CNTN4: variants seen among roughly 807,000 people sequenced by gnomAD.
CNTN4 encodes the protein contactin 4.
A neutral mutation model predicts 122.5 loss-of-function variants in CNTN4; 77 were observed. The ratio of observed to expected loss-of-function variants is 0.63; its 90% CI spans 0.52 to 0.76. The LOEUF is 0.76. Ranked by LOEUF, CNTN4 falls within the 30% of genes least tolerant of loss-of-function variation. The pLI is 0.00. For synonymous variants in CNTN4, 512 were observed against 447.0 expected (o/e 1.15, Z -1.83); for missense variants, 1,256 against 1,259.1 (o/e 1.00, Z 0.04).
intron 14 of CNTN4, among the ~76,000 whole-genome samples, chr3:2,995,117 C>T (rs1172828316): frequency 6.6e-6 from 1 of 152,118 alleles, no homozygotes; most frequent in African/African-American, 2.4e-5. Flanking sequence ...AGAAGAACAT[C>T]TGGCCAGAAC....
intron 8 of CNTN4, among the ~76,000 whole-genome samples, chr3:2,867,191 G>A (rs2093733881): frequency 6.6e-6 from 1 of 152,130 alleles, no homozygotes; most frequent in Non-Finnish European, 1.5e-5. Context: ...TGAGGATTTA[G>A]GTGAATATAA....
intron 3 of CNTN4, among the ~76,000 whole-genome samples, chr3:2,560,957 A>G (rs1333334797): frequency 6.6e-6 from 1 of 152,170 alleles, no homozygotes; most frequent in Admixed American, 6.5e-5. Flanking sequence ...TCTGCTTCTG[A>G]TTAAGCAGAC....
At chr3:2,543,326 A>G (rs998576847) in intron 3 of CNTN4, among the ~76,000 whole-genome samples, 1 of 152,236 alleles carries the variant, frequency 6.6e-6, no homozygotes, top group East Asian at 1.9e-4. Flanking sequence ...CAATCCTTAA[A>G]AACAAAACCC....
chr3:2,321,137 G>C (rs1024100078), intron 2 of CNTN4, among the ~76,000 whole-genome samples: 1 of 151,918 alleles, frequency 6.6e-6, no homozygotes, highest in Non-Finnish European at 1.5e-5. Flanking sequence ...AGCTCTGAAG[G>C]GACCCATTTT....
intron 14 of CNTN4, among the ~76,000 whole-genome samples, chr3:3,016,646 A>G (rs987482252): frequency 1.3e-5 from 2 of 152,154 alleles, no homozygotes; most frequent in African/African-American, 4.8e-5. Flanking sequence ...CATCATTAGA[A>G]CCGTCTTCAT....
At chr3:2,458,436 G>C (rs1309306347) in intron 3 of CNTN4, among the ~76,000 whole-genome samples, 1 of 152,166 alleles carries the variant, frequency 6.6e-6, no homozygotes, top group African/African-American at 2.4e-5. Context: ...ATCTTTGTTA[G>C]AATGGAAATC....
chr3:2,353,791 C>T (rs909674220), intron 3 of CNTN4, among the ~76,000 whole-genome samples: 5 of 152,062 alleles, frequency 3.3e-5, no homozygotes, highest in Admixed American at 6.5e-5. Flanking sequence ...CCCAGCTACT[C>T]GGGAGGCTGA....
rs191694512 is a variant in CNTN4 at position 2,122,379 on chromosome 3, C to G, written c.-145+21740C>G. 3.8e-3 allele frequency among the ~76,000 whole-genome samples: 573 copies of G among 152,104 alleles called. 3 individuals carry two copies. Among genetic ancestry groups the G allele is most frequent in the Non-Finnish European group, 3.9e-3 (266 of 68,010 alleles). The stretch of plus-strand genomic sequence containing the variant: ...TCAGTTAAAAAAATCTGAATGCTTA[C>G]TATAAAAAATGATGGCATGGAATAT... On this transcript the variant is annotated intron_variant, in intron 2 of 24. Transcript: ENST00000418658.
chr3:2,759,215 G>C (rs1339189173), intron 6 of CNTN4, among the ~76,000 whole-genome samples: 1 of 152,014 alleles, frequency 6.6e-6, no homozygotes, highest in East Asian at 1.9e-4. Context: ...GATTGCAATG[G>C]TGCGATCTCA....
rs1576640105 is a variant in CNTN4 at position 2,745,956 on chromosome 3, ATAC to A, written c.358+260_358+262del. Among the ~76,000 whole-genome samples the A allele has an allele frequency of 9.2e-5, 14 of 152,300 alleles. 1 individual carries two copies. The East Asian group carries it at 2.7e-3, about 29-fold the overall frequency. ...TTTGATTATATGATGCTTTCTTTAT[ATAC>A]AAATAAATTCACACACTGAGATTGA... On this transcript the variant is annotated intron_variant, in intron 6 of 24. Transcript: ENST00000418658.
At position 2,344,195 on chromosome 3, in the gene CNTN4, A is replaced by G. The variant is rs370013057; in HGVS notation, c.-89+4962A>G. Among the ~76,000 whole-genome samples the G allele has an allele frequency of 3.3e-5, 5 of 152,210 alleles. No homozygotes were observed. In the South Asian group the frequency reaches 1.0e-3, roughly 32 times the overall value. On this transcript the variant is annotated intron_variant, in intron 3 of 24. Transcript: ENST00000418658. The stretch of plus-strand genomic sequence containing the variant: ...ACTATATCAGTGATATAACAAAATA[A>G]GCAGATTGTCATTCAAATCCACACA...
intron 7 of CNTN4, among the ~76,000 whole-genome samples, chr3:2,828,479 G>C (rs556024670): frequency 6.6e-6 from 1 of 152,252 alleles, no homozygotes; most frequent in African/African-American, 2.4e-5. Context: ...TGTTGGTTGG[G>C]AGTGGCATTG....
intron 6 of CNTN4, among the ~76,000 whole-genome samples, chr3:2,811,305 G>A (rs1427995872): frequency 6.6e-6 from 1 of 150,832 alleles, no homozygotes; most frequent in Non-Finnish European, 1.5e-5. Context: ...CTACTCTGGA[G>A]GCTGAGGCAG....
intron 6 of CNTN4, among the ~76,000 whole-genome samples, chr3:2,782,753 T>C (rs758022625): frequency 1.3e-5 from 2 of 152,162 alleles, no homozygotes; most frequent in Non-Finnish European, 2.9e-5. Context: ...ACTGCTTTTA[T>C]TTCTCTGCTA....
intron 2 of CNTN4, among the ~76,000 whole-genome samples, chr3:2,323,555 C>CTTT (rs1274490180): frequency 9.9e-5 from 15 of 152,132 alleles, no homozygotes; most frequent in Non-Finnish European, 1.5e-4. Context: ...ATCACCTGTT[C>CTTT]TTTTTTGTAG....
intron 4 of CNTN4, among the ~76,000 whole-genome samples, chr3:2,655,072 G>A (rs550719808): frequency 1.3e-5 from 2 of 152,252 alleles, no homozygotes; most frequent in African/African-American, 4.8e-5. Flanking sequence ...GTGCAGCCAC[G>A]TAGAGTCACT....
intron 2 of CNTN4, among the ~76,000 whole-genome samples, chr3:2,322,400 G>A (rs975853203): frequency 5.3e-5 from 8 of 152,070 alleles, no homozygotes; most frequent in African/African-American, 1.4e-4. Flanking sequence ...CAACATGGAC[G>A]CACCTTGAAA....
At chr3:2,378,097 C>T (rs923629136) in intron 3 of CNTN4, among the ~76,000 whole-genome samples, 1 of 152,146 alleles carries the variant, frequency 6.6e-6, no homozygotes, top group Non-Finnish European at 1.5e-5. Flanking sequence ...GGCTTGAGTT[C>T]TATAAATACC....
intron 6 of CNTN4, among the ~76,000 whole-genome samples, chr3:2,747,261 T>A (rs548344041): frequency 6.7e-6 from 1 of 150,066 alleles, no homozygotes; most frequent in African/African-American, 2.5e-5. Flanking sequence ...TACAAAAAAT[T>A]AGCCGGGCGC....
Sources: allele counts gnomAD v4.1 joint callset (sites outside exome capture counted in the v4.1 genomes callset), GRCh38; gene constraint gnomAD v4.1.1; transcripts MANE v1.5; gene names NCBI Gene and HGNC (gene_info 2026-07-23, HGNC 2026-07-21).